Variants in TRPM1 observed in about 807,000 individuals in gnomAD.
TRPM1 encodes transient receptor potential cation channel subfamily M member 1, also known as TRPM1-203 APA Isoform, Intron 10.
In TRPM1, 113 loss-of-function variants were observed where a neutral mutation model predicts 149.4. That is an observed-to-expected ratio of 0.76 (90% confidence interval 0.65 to 0.88). The LOEUF is 0.88. Among genes scored for constraint, TRPM1 ranks in the 40% least tolerant of loss-of-function variants. TRPM1 has a pLI of 0.00. For missense variants in TRPM1, 1,976 were observed against 2,038.7 expected (o/e 0.97, Z 0.59); for synonymous variants, 741 against 759.5 (o/e 0.98, Z 0.40).
chr15:31,086,419 C>T (rs767908743), intron 1 of TRPM1, among the ~76,000 whole-genome samples: 35 of 152,366 alleles, frequency 2.3e-4, no homozygotes, highest in South Asian at 8.3e-4. Flanking sequence ...ACACAAGCTG[C>T]GCCTTGCAGA....
intron 27 of TRPM1, among the ~76,000 whole-genome samples, chr15:31,023,930 T>C (rs1247727989): frequency 1.3e-5 from 2 of 152,156 alleles, no homozygotes; most frequent in Non-Finnish European, 2.9e-5. Flanking sequence ...ATAGGTAAAT[T>C]TCCAAACATT....
rs2911852 is a variant in TRPM1, at chr15:31,037,527, G to A, written c.2571+184C>T. On this transcript the variant is annotated intron_variant, in intron 20 of 27. Coordinates refer to ENST00000256552, the MANE Select transcript of TRPM1 (RefSeq NM_001252024.2). ...GACTAGGATGGCCATATATCAATAT[G>A]TGACAGGATATCGAGATCCAATGTT... 1 allele frequency among the ~76,000 whole-genome samples: 152,270 copies of A among 152,358 alleles called. 76,092 individuals carry two copies. The highest frequency in any genetic ancestry group is 1 in the Middle Eastern group (294 of 294).
intron 27 of TRPM1, among the ~76,000 whole-genome samples, chr15:31,014,930 T>C (rs190654981): frequency 6.6e-6 from 1 of 151,742 alleles, no homozygotes; most frequent in East Asian, 1.9e-4. Flanking sequence ...TTCACCCTCT[T>C]GAATTTTGAT....
intron 27 of TRPM1, among the ~76,000 whole-genome samples, chr15:31,011,233 A>C (rs574564934): frequency 6.6e-6 from 1 of 152,184 alleles, no homozygotes; most frequent in African/African-American, 2.4e-5. Flanking sequence ...TCATTGTGCT[A>C]GTCTCTGTCT....
intron 11 of TRPM1, among the ~76,000 whole-genome samples, chr15:31,056,946 T>G (rs959680074): frequency 6.6e-6 from 1 of 152,198 alleles, no homozygotes; most frequent in Non-Finnish European, 1.5e-5. Flanking sequence ...CAGACAGTAA[T>G]TCTCCCACAT....
chr15:31,091,595 A>G (rs1244897260), intron 1 of TRPM1, among the ~76,000 whole-genome samples: 1 of 152,116 alleles, frequency 6.6e-6, no homozygotes, highest in East Asian at 1.9e-4. Context: ...TGGGAGGCTG[A>G]CCGGGTGGGA....
intron 1 of TRPM1, among the ~76,000 whole-genome samples, chr15:31,158,913 T>C (rs1004873182): frequency 9.2e-5 from 14 of 152,190 alleles, no homozygotes; most frequent in South Asian, 4.1e-4. Flanking sequence ...TCTGGGTCTG[T>C]TTAGTAAACA....
At chr15:31,137,060 T>C (rs2036099076) in intron 1 of TRPM1, among the ~76,000 whole-genome samples, 1 of 152,228 alleles carries the variant, frequency 6.6e-6, no homozygotes, top group Admixed American at 6.5e-5. Context: ...TTTGCATTAG[T>C]GCTCTCTGAT....
intron 1 of TRPM1, among the ~76,000 whole-genome samples, chr15:31,100,488 C>T (rs2035491107): frequency 6.6e-6 from 1 of 151,862 alleles, no homozygotes; most frequent in African/African-American, 2.4e-5. Context: ...TGTACCCCCA[C>T]AATATGCACA....
chr15:31,104,429 C>T (rs370849427), upstream of TRPM1, among the ~76,000 whole-genome samples: 3 of 152,028 alleles, frequency 2.0e-5, no homozygotes, highest in African/African-American at 7.2e-5. Flanking sequence ...TAGTTAGTCT[C>T]GAAACCTGTT....
chr15:31,059,291 A>G (rs2034163985), intron 11 of TRPM1, among the ~76,000 whole-genome samples: 1 of 152,198 alleles, frequency 6.6e-6, no homozygotes, highest in South Asian at 2.1e-4. Context: ...AGAGGCAGTT[A>G]AATGCTTTGG....
intron 11 of TRPM1, among the ~76,000 whole-genome samples, chr15:31,052,678 G>A (rs1471779730): frequency 1.3e-5 from 2 of 152,182 alleles, no homozygotes; most frequent in African/African-American, 4.8e-5. Context: ...AGGAGGCTGA[G>A]GCAGGAGAAT....
chr15:31,153,065 T>A (rs2036324451), intron 1 of TRPM1, among the ~76,000 whole-genome samples: 1 of 152,246 alleles, frequency 6.6e-6, no homozygotes, highest in Non-Finnish European at 1.5e-5. Flanking sequence ...TAAAATATAT[T>A]TCTTTGACAT....
In TRPM1 at chr15:31,026,985, G is replaced by T. The variant is rs747699035; in HGVS notation, c.3426C>A (p.Ile1142=). Residue 1142 remains isoleucine, a synonymous_variant, in exon 26 of 28, where the codon ATC becomes ATA. Transcript: ENST00000256552. The stretch of plus-strand genomic sequence containing the variant: ...TGCAGCGGCCGCTGAGACGCATAAT[G>T]ATGATGTAGATGTGGCTTAAAATGA... ...PMIILSHIYI[I]IMRLSGRCRK... 1.2e-6 allele frequency: 2 copies of T among 1,614,044 alleles called. No individual in the cohort carries two copies. The highest frequency in any genetic ancestry group is 2.7e-5 in the African/African-American group (2 of 74,904).
At chr15:31,031,947 C>T (rs1429440292) in intron 22 of TRPM1, among the ~76,000 whole-genome samples, 1 of 151,680 alleles carries the variant, frequency 6.6e-6, no homozygotes, top group African/African-American at 2.4e-5. Context: ...GGGGATTGGC[C>T]CTGGGCTCCC....
In TRPM1 at chr15:31,066,093, A is replaced by G. The variant is rs869312176; in HGVS notation, c.773T>C (p.Leu258Pro). The G allele has an allele frequency of 1.9e-6, 3 of 1,614,032 alleles. No individual in the cohort carries two copies. The South Asian group carries it at 3.3e-5, about 18-fold the overall frequency. The change falls in exon 7 of 28, where the codon CTG becomes CCG. Residue 258 changes from leucine to proline, a missense_variant. Transcript: ENST00000256552. The part of the protein sequence containing the change: ...LRRLLEKHIS[L>P]QKINTRLGQG... ...GCACTTACTTGTGTTGATCTTCTGC[A>G]GGGAGATGTGCTTTTCCAGCAGCCT...
chr15:31,141,704 G>A (rs1027414527), intron 1 of TRPM1, among the ~76,000 whole-genome samples: 30 of 152,298 alleles, frequency 2.0e-4, no homozygotes, highest in Non-Finnish European at 3.7e-4. Context: ...GTAATATGAA[G>A]AAAGAAATTT....
intron 16 of TRPM1, among the ~76,000 whole-genome samples, chr15:31,045,092 A>C (rs1346500879): frequency 6.6e-6 from 1 of 152,202 alleles, no homozygotes; most frequent in Non-Finnish European, 1.5e-5. Context: ...ATAAACCCTG[A>C]CCTGGAGAGT....
rs1396322281 is a variant in TRPM1 at position 31,066,288 on chromosome 15, G to A, written c.619-41C>T. On this transcript the variant is annotated intron_variant, in intron 6 of 27. Transcript: ENST00000256552. Reference sequence around the variant, plus strand: ...GCGCAAATCAGACCTGCAGGACTTGGATGTTAAGACCAACAAGGGAAGCAA... The same window carrying A: ...GCGCAAATCAGACCTGCAGGACTTGAATGTTAAGACCAACAAGGGAAGCAA... The A allele has an allele frequency of 6.0e-5, 97 of 1,612,322 alleles. 1 individual carries two copies. The Admixed American group carries it at 1.6e-3, about 27-fold the overall frequency.
Sources: gnomAD v4.1 joint callset for allele counts (sites outside exome capture counted in the v4.1 genomes callset) on GRCh38, gnomAD v4.1.1 for gene constraint, MANE v1.5 for transcripts, NCBI Gene and HGNC (gene_info 2026-07-23, HGNC 2026-07-21) for gene names.